UST: variants seen among roughly 807,000 people sequenced by gnomAD.
UST encodes uronyl 2-sulfotransferase, also known as chondroitin sulfate 2-O-sulfotransferase.
In UST, 21 loss-of-function variants were observed where a neutral mutation model predicts 45.6. The ratio of observed to expected loss-of-function variants is 0.46; its 90% CI spans 0.33 to 0.66. The LOEUF is 0.66. Among genes scored for constraint, UST ranks in the 30% least tolerant of loss-of-function variants. UST has a pLI of 0.02. For missense variants in UST, 463 were observed against 512.4 expected, an observed-to-expected ratio of 0.90 and a Z score of 0.93; for synonymous variants, 215 against 200.6, an observed-to-expected ratio of 1.07 and a Z score of -0.61.
intron 3 of UST, among the ~76,000 whole-genome samples, chr6:148,945,961 T>C (rs1780226131): frequency 6.6e-6 from 1 of 152,080 alleles, no homozygotes; most frequent in African/African-American, 2.4e-5. Context: ...ATATAAAGGG[T>C]GGAGGAGAGA....
intron 1 of UST, among the ~76,000 whole-genome samples, chr6:148,831,146 A>G (rs1027043551): frequency 6.6e-6 from 1 of 152,168 alleles, no homozygotes; most frequent in African/African-American, 2.4e-5. Context: ...AGATCAACAC[A>G]TTGCCCTTTG....
At chr6:148,776,044 A>G (rs1776528788) in intron 1 of UST, among the ~76,000 whole-genome samples, 1 of 152,162 alleles carries the variant, frequency 6.6e-6, no homozygotes, top group Non-Finnish European at 1.5e-5. Flanking sequence ...TTTATTACTT[A>G]CACTTTATTT....
At chr6:148,791,604 A>C (rs933696349) in intron 1 of UST, among the ~76,000 whole-genome samples, 1 of 152,204 alleles carries the variant, frequency 6.6e-6, no homozygotes, top group African/African-American at 2.4e-5. Flanking sequence ...ATCACTAAGC[A>C]CTGTGAGAAG....
At chr6:148,931,794 G>C (rs939552814) in intron 2 of UST, among the ~76,000 whole-genome samples, 2 of 152,168 alleles carry the variant, frequency 1.3e-5, no homozygotes, top group African/African-American at 4.8e-5. Context: ...ATCCACGTGG[G>C]TTTCTCCACT....
chr6:148,852,817 T>C (rs992192592), intron 1 of UST, among the ~76,000 whole-genome samples: 3 of 152,200 alleles, frequency 2.0e-5, no homozygotes, highest in African/African-American at 7.2e-5. Context: ...ACTGCTTTCC[T>C]ATCTCCAAAC....
chr6:148,796,159 T>A (rs115838465), intron 1 of UST, among the ~76,000 whole-genome samples: 444 of 152,250 alleles, frequency 2.9e-3, no homozygotes, highest in African/African-American at 0.01. Flanking sequence ...GGATGAGGAT[T>A]GAGATGAGAA....
intron 5 of UST, among the ~76,000 whole-genome samples, chr6:149,004,435 T>C (rs1582954673): frequency 6.6e-6 from 1 of 152,302 alleles, no homozygotes; most frequent in Admixed American, 6.5e-5. Context: ...ATGTCCACAC[T>C]GAGGCAGACA....
intron 2 of UST, among the ~76,000 whole-genome samples, chr6:148,923,946 A>G (rs1186374701): frequency 6.6e-6 from 1 of 152,212 alleles, no homozygotes; most frequent in African/African-American, 2.4e-5. Context: ...AGTAAATAAT[A>G]TTGGTGATAT....
At chr6:148,755,066 A>G (rs1776069286) in intron 1 of UST, among the ~76,000 whole-genome samples, 1 of 152,250 alleles carries the variant, frequency 6.6e-6, no homozygotes. Context: ...CTAATTTTTG[A>G]ACAGCAGATT....
At chr6:148,975,490 A>G (rs1780997957) in intron 5 of UST, among the ~76,000 whole-genome samples, 1 of 152,086 alleles carries the variant, frequency 6.6e-6, no homozygotes, top group Non-Finnish European at 1.5e-5. Context: ...TCTTCTTCCA[A>G]TCCATGATCA....
intron 2 of UST, among the ~76,000 whole-genome samples, chr6:148,918,817 T>A (rs1035456548): frequency 6.6e-6 from 1 of 152,210 alleles, no homozygotes; most frequent in African/African-American, 2.4e-5. Context: ...TTCTTTTTAT[T>A]GTTAAACTTT....
chr6:148,867,625 G>T (rs1015745804), intron 1 of UST, among the ~76,000 whole-genome samples: 2 of 152,112 alleles, frequency 1.3e-5, no homozygotes, highest in African/African-American at 4.8e-5. Context: ...CTGATGGTTT[G>T]ATAAGGGGAA....
At chr6:148,895,744 C>A (rs1779115595) in intron 2 of UST, among the ~76,000 whole-genome samples, 1 of 152,210 alleles carries the variant, frequency 6.6e-6, no homozygotes, top group Non-Finnish European at 1.5e-5. Flanking sequence ...GTGAGATGTG[C>A]CTTTCACCTT....
At chr6:148,903,817 G>A (rs1337350735) in intron 2 of UST, among the ~76,000 whole-genome samples, 2 of 152,154 alleles carry the variant, frequency 1.3e-5, no homozygotes, top group African/African-American at 4.8e-5. Flanking sequence ...TAATGTAGGG[G>A]CTTCCTCCCA....
chr6:148,793,288 G>A (rs1276225371), intron 1 of UST, among the ~76,000 whole-genome samples: 2 of 151,064 alleles, frequency 1.3e-5, no homozygotes, highest in Non-Finnish European at 3.0e-5. Flanking sequence ...AAAAAAAAAA[G>A]TTACTAAAAA....
In UST at chr6:148,797,043, G is replaced by A. The variant is rs1044194406; in HGVS notation, c.247+49366G>A. 3.3e-5 allele frequency among the ~76,000 whole-genome samples: 5 copies of A among 151,982 alleles called. No homozygotes were observed. In the East Asian group the frequency reaches 7.8e-4, roughly 24 times the overall value. On this transcript the variant is annotated intron_variant, in intron 1 of 7. Coordinates refer to ENST00000367463, the MANE Select transcript of UST (RefSeq NM_005715.3). ...GTCTCCTGACCTCAGGTGATCCACC[G>A]GCCACTTCCAAAGTGCTAGGATTAT...
At chr6:148,961,492 T>A (rs1208080227) in intron 4 of UST, among the ~76,000 whole-genome samples, 3 of 152,202 alleles carry the variant, frequency 2.0e-5, no homozygotes, top group Non-Finnish European at 4.4e-5. Context: ...GCCAAAGGAA[T>A]GTTTGAAAGA....
intron 1 of UST, among the ~76,000 whole-genome samples, chr6:148,872,580 C>T (rs1778579218): frequency 6.7e-6 from 1 of 150,340 alleles, no homozygotes. Flanking sequence ...TATTAACTTC[C>T]TATTGCTGCT....
intron 5 of UST, among the ~76,000 whole-genome samples, chr6:149,016,077 A>G (rs1437238438): frequency 6.6e-6 from 1 of 152,070 alleles, no homozygotes; most frequent in Non-Finnish European, 1.5e-5. Context: ...CTTCCTCTGG[A>G]TCTTCCGGTC....
Sources: gnomAD v4.1 joint callset for allele counts (sites outside exome capture counted in the v4.1 genomes callset) on GRCh38, gnomAD v4.1.1 for gene constraint, MANE v1.5 for transcripts, NCBI Gene and HGNC (gene_info 2026-07-23, HGNC 2026-07-21) for gene names.